The following ULK4 variants were observed in gnomAD, a reference collection of about 807,000 sequenced individuals.
The protein encoded by ULK4 is inactive serine/threonine-protein kinase ULK4.
A neutral mutation model predicts 160.6 loss-of-function variants in ULK4; 133 were observed. That is an observed-to-expected ratio of 0.83 (90% CI 0.72 to 0.96). ULK4 has a LOEUF of 0.96. Ranked by LOEUF, ULK4 falls within the 40% of genes least tolerant of loss-of-function variation. ULK4 has a pLI of 0.00. For synonymous variants in ULK4, 534 were observed against 539.8 expected (o/e 0.99, Z 0.15); for missense variants, 1,580 against 1,499.5 (o/e 1.05, Z -0.89).
intron 18 of ULK4, among the ~76,000 whole-genome samples, chr3:41,826,039 A>T (rs1467907841): frequency 6.6e-6 from 1 of 152,216 alleles, no homozygotes; most frequent in Non-Finnish European, 1.5e-5. Context: ...TCAACCCAGA[A>T]TTTCATATCC....
intron 17 of ULK4, among the ~76,000 whole-genome samples, chr3:41,837,565 CTT>C (rs57798450): frequency 3.6e-4 from 53 of 145,496 alleles, no homozygotes; most frequent in South Asian, 2.0e-3. Context: ...ATATCAATAA[CTT>C]TTTTTTTTTT....
chr3:41,612,799 C>A (rs572194288), intron 31 of ULK4, among the ~76,000 whole-genome samples: 334 of 152,220 alleles, frequency 2.2e-3, no homozygotes, highest in Non-Finnish European at 4.0e-3. Context: ...GCAATTCCTG[C>A]CCATCAGAAA....
At chr3:41,423,225 G>A (rs1433719192) in intron 34 of ULK4, among the ~76,000 whole-genome samples, 1 of 152,160 alleles carries the variant, frequency 6.6e-6, no homozygotes, top group African/African-American at 2.4e-5. Flanking sequence ...GGTTACACTG[G>A]GGGTGGAGTC....
At chr3:41,306,128 T>TTGGGG (rs1389101389) in intron 35 of ULK4, among the ~76,000 whole-genome samples, 1 of 61,072 alleles carries the variant, frequency 1.6e-5, no homozygotes, top group African/African-American at 9.7e-5. Context: ...GGGAGGGAGG[T>TTGGGG]GGGGGGGGGG....
intron 32 of ULK4, among the ~76,000 whole-genome samples, chr3:41,531,929 G>A (rs563857145): frequency 1.3e-5 from 2 of 152,296 alleles, no homozygotes; most frequent in South Asian, 2.1e-4. Context: ...TGGGAGCTGA[G>A]TCTAGTACAA....
At chr3:41,688,685 C>T (rs991575595) in intron 27 of ULK4, among the ~76,000 whole-genome samples, 3 of 152,112 alleles carry the variant, frequency 2.0e-5, no homozygotes, top group African/African-American at 2.4e-5. Flanking sequence ...CAAATAAAAC[C>T]GTCAGCCCTG....
At chr3:41,826,190 G>A (rs111660569) in intron 18 of ULK4, among the ~76,000 whole-genome samples, 10,982 of 152,192 alleles carry the variant, frequency 0.072, 1,252 homozygotes, top group African/African-American at 0.24. Flanking sequence ...ACCAGTACCA[G>A]CCACTGCAAA....
chr3:41,584,488 T>A (rs1369496862), intron 31 of ULK4, among the ~76,000 whole-genome samples: 2 of 152,066 alleles, frequency 1.3e-5, no homozygotes, highest in Non-Finnish European at 2.9e-5. Context: ...GAGGTCTCAC[T>A]ATATTGCCCA....
At chr3:41,332,167 G>C (rs1308886369) in intron 35 of ULK4, among the ~76,000 whole-genome samples, 1 of 151,566 alleles carries the variant, frequency 6.6e-6, no homozygotes, top group Non-Finnish European at 1.5e-5. Context: ...TGCAGGATAG[G>C]GTTGATTGCT....
At chr3:41,385,713 T>G (rs1025996953) in intron 35 of ULK4, among the ~76,000 whole-genome samples, 1 of 152,208 alleles carries the variant, frequency 6.6e-6, no homozygotes, top group Non-Finnish European at 1.5e-5. Context: ...AAACTTTAAA[T>G]TGCTTGCAGT....
At chr3:41,888,644 C>A (rs1415090427) in intron 16 of ULK4, among the ~76,000 whole-genome samples, 3 of 152,214 alleles carry the variant, frequency 2.0e-5, no homozygotes, top group Non-Finnish European at 4.4e-5. Context: ...ACAGAATAAA[C>A]CCTGCAGCCC....
intron 17 of ULK4, among the ~76,000 whole-genome samples, chr3:41,859,966 C>T (rs554674024): frequency 7.1e-4 from 108 of 151,950 alleles, no homozygotes; most frequent in African/African-American, 2.6e-3. Flanking sequence ...CTACCTCTGG[C>T]CCCCAAATTC....
chr3:41,927,277 C>T (rs1200433791), intron 5 of ULK4, among the ~76,000 whole-genome samples: 2 of 152,174 alleles, frequency 1.3e-5, no homozygotes, highest in Admixed American at 1.3e-4. Flanking sequence ...AAATAAAATC[C>T]TTTACAGAAA....
chr3:41,448,872 G>A (rs567004146), intron 34 of ULK4, among the ~76,000 whole-genome samples: 1 of 152,162 alleles, frequency 6.6e-6, no homozygotes, highest in East Asian at 1.9e-4. Context: ...ACAAAAGGAG[G>A]AACAGTTTTA....
At chr3:41,269,988 CT>C (rs916950946) in intron 35 of ULK4, among the ~76,000 whole-genome samples, 3 of 152,024 alleles carry the variant, frequency 2.0e-5, no homozygotes, top group Non-Finnish European at 4.4e-5. Flanking sequence ...ATAAAGTAGA[CT>C]GTTTTCTATA....
chr3:41,479,056 G>A (rs1015557803), intron 32 of ULK4, among the ~76,000 whole-genome samples: 1 of 152,210 alleles, frequency 6.6e-6, no homozygotes, highest in Non-Finnish European at 1.5e-5. Flanking sequence ...CAGCAGCACA[G>A]CCTGGGGTCT....
intron 8 of ULK4, chr3:41,913,153 C>A: frequency 3.6e-6 from 1 of 274,946 alleles, no homozygotes; most frequent in African/African-American, 2.2e-5. Flanking sequence ...TTTCAGGGTT[C>A]AAATTCCATA....
At chr3:41,812,825 T>C (rs1389572698) in intron 19 of ULK4, among the ~76,000 whole-genome samples, 1 of 150,236 alleles carries the variant, frequency 6.7e-6, no homozygotes, top group East Asian at 2.0e-4. Flanking sequence ...TATTTGGCAT[T>C]GAATTTAAAT....
chr3:41,653,071 G>C (rs976938877), intron 30 of ULK4, among the ~76,000 whole-genome samples: 10 of 149,168 alleles, frequency 6.7e-5, no homozygotes, highest in African/African-American at 2.6e-4. Context: ...TGCCTATCCC[G>C]GGCCCAGCTA....
Sources: allele counts gnomAD v4.1 joint callset (sites outside exome capture counted in the v4.1 genomes callset), GRCh38; gene constraint gnomAD v4.1.1; transcripts MANE v1.5; gene names NCBI Gene and HGNC (gene_info 2026-07-23, HGNC 2026-07-21).